Variants in RBM6 observed in about 807,000 individuals in gnomAD.
RBM6 encodes RNA-binding protein 6.
RBM6 carries 23 observed loss-of-function variants against 140.4 expected under a neutral mutation model. The ratio of observed to expected loss-of-function variants is 0.16; its 90% CI spans 0.12 to 0.23. The LOEUF (loss-of-function observed/expected upper bound fraction) is 0.23. Among genes scored for constraint, RBM6 ranks in the 10% least tolerant of loss-of-function variants. The probability of loss-of-function intolerance (pLI) is 1.00; values close to 1 mark genes in which losing one functional copy is unlikely to be tolerated. For synonymous variants in RBM6, 439 were observed against 475.6 expected, an observed-to-expected ratio of 0.92 and a Z score of 1.00; for missense variants, 1,139 against 1,386.7, an observed-to-expected ratio of 0.82 and a Z score of 2.84.
chr3:49,967,711 A>C lies in RBM6; in HGVS notation c.286A>C (p.Arg96=). ...AGGGGAGGGACCTGGACATGATTTC[A>C]GGGGGGGAGATTTTTCGTCTTCTGA... ...RGGEGPGHDF[R]GGDFSSSDFQ... The change falls in exon 3 of 21, where the codon AGG becomes CGG. Residue 96 remains arginine, a synonymous_variant. Transcript: ENST00000266022. The surrounding 1 kb of genome is among the most constrained non-coding windows in gnomAD (Gnocchi z 4.0). 1.9e-6 allele frequency: 3 copies of C among 1,613,844 alleles called. No homozygotes were observed. The highest frequency in any genetic ancestry group is 2.5e-6 in the Non-Finnish European group (3 of 1,179,906).
intron 5 of RBM6, among the ~76,000 whole-genome samples, chr3:49,998,192 A>G (rs2086170840): frequency 1.3e-5 from 2 of 152,232 alleles, no homozygotes; most frequent in Non-Finnish European, 2.9e-5. Context: ...ATTTCATGTG[A>G]CAAGGAATCT....
chr3:50,036,283 C>T (rs2088534126), intron 6 of RBM6, among the ~76,000 whole-genome samples: 1 of 152,188 alleles, frequency 6.6e-6, no homozygotes, highest in Admixed American at 6.5e-5. Context: ...GTCTTAACGT[C>T]TGATGGAGTT....
Position 49,998,189 on chromosome 3 carries a change from G to A in RBM6, c.1484-1251G>A, listed in dbSNP as rs143613882. ...AACATTTTGAAGCCATTCATTTCAT[G>A]TGACAAGGAATCTTATTTCACCAAA... On this transcript the variant is annotated intron_variant, in intron 5 of 20. Coordinates refer to ENST00000266022, the MANE Select transcript of RBM6 (RefSeq NM_005777.3). 5.6e-3 allele frequency among the ~76,000 whole-genome samples: 850 copies of A among 152,294 alleles called. 11 individuals carry two copies. The highest frequency in any genetic ancestry group is 0.019 in the African/African-American group (778 of 41,538).
At chr3:49,944,976 T>C (rs570493027) in intron 1 of RBM6, among the ~76,000 whole-genome samples, 1 of 148,234 alleles carries the variant, frequency 6.7e-6, no homozygotes, top group African/African-American at 2.5e-5. Context: ...TCCTGGGTTC[T>C]TGCCATTCTC....
In RBM6 at chr3:49,985,595, T is replaced by C. The variant is rs544777506; in HGVS notation, c.1483+10203T>C. ...TTGTATGTATTCACTCTTTTAAGAA[T>C]GAGTTTATTTTTATTTTTATTTTTA... On this transcript the variant is annotated intron_variant, in intron 5 of 20. Transcript: ENST00000266022. Among the ~76,000 whole-genome samples, 4 of 152,306 alleles carry C rather than the reference T, an allele frequency of 2.6e-5. No homozygotes were observed. In the East Asian group the frequency reaches 7.7e-4, roughly 29 times the overall value.
intron 16 of RBM6, among the ~76,000 whole-genome samples, chr3:50,065,802 G>C (rs2090103012): frequency 6.6e-6 from 1 of 152,148 alleles, no homozygotes; most frequent in African/African-American, 2.4e-5. Flanking sequence ...TACCTTACAT[G>C]TGAGCTGGAT....
At chr3:49,952,193 G>A (rs189097180) in intron 1 of RBM6, among the ~76,000 whole-genome samples, 1 of 151,368 alleles carries the variant, frequency 6.6e-6, no homozygotes. Flanking sequence ...TGCCACCATG[G>A]CTAATTTTTG....
intron 1 of RBM6, among the ~76,000 whole-genome samples, chr3:49,948,511 G>A (rs1419777667): frequency 1.3e-5 from 2 of 151,934 alleles, no homozygotes; most frequent in Non-Finnish European, 2.9e-5. Context: ...TCAAGAGATC[G>A]AGACCATCCT....
intron 17 of RBM6, 33 bp from the exon 18 acceptor site, chr3:50,068,657 G>T: frequency 6.3e-7 from 1 of 1,599,386 alleles, no homozygotes; most frequent in Non-Finnish European, 8.6e-7. Context: ...TTGTTTCTTA[G>T]ACCTATACTC....
chr3:49,984,661 GCATT>G (rs1559553076), intron 5 of RBM6, among the ~76,000 whole-genome samples: 10 of 149,732 alleles, frequency 6.7e-5, no homozygotes, highest in Non-Finnish European at 1.3e-4. Flanking sequence ...GCATCGCATC[GCATT>G]GCATCACATC....
chr3:50,075,321 A>C lies in RBM6; in HGVS notation c.3237A>C (p.Ser1079=). The C allele has an allele frequency of 6.2e-7, 1 of 1,610,388 alleles. No homozygotes were observed. Among genetic ancestry groups the C allele is most frequent in the Non-Finnish European group, 8.5e-7 (1 of 1,178,704 alleles). The change falls in exon 20 of 21, where the codon TCA becomes TCC. Residue 1079 remains serine (S), a synonymous_variant. Transcript: ENST00000266022. The stretch of plus-strand genomic sequence containing the variant: ...GATATGGCCATCCTGGATTGGCTTC[A>C]TCAGAGGAGGTAAAATGGTTTCCAT... The part of the protein sequence containing the change: ...GLGYGHPGLA[S]SEEAEGRMRG...
chr3:50,021,740 CTTTTTTTTTTT>C (rs542734328), intron 6 of RBM6, among the ~76,000 whole-genome samples: 10 of 42,726 alleles, frequency 2.3e-4, no homozygotes, highest in Non-Finnish European at 2.9e-4. Context: ...AATTTAAGTG[CTTTTTTTTTTT>C]TTTTTTTTTT....
At chr3:49,978,496 T>C (rs1024051587) in intron 5 of RBM6, among the ~76,000 whole-genome samples, 5 of 152,274 alleles carry the variant, frequency 3.3e-5, no homozygotes, top group Middle Eastern at 6.8e-3. Context: ...ACTCTAGTAA[T>C]GTATTAGTGT....
intron 2 of RBM6, 139 bp downstream of exon 2, chr3:49,962,824 G>A (rs567170822): frequency 2.4e-5 from 21 of 861,718 alleles, no homozygotes; most frequent in African/African-American, 5.4e-5. Context: ...TTGGCTGGGC[G>A]CGGTGGCTCA....
At chr3:50,040,991 T>G (rs2088887604) in intron 6 of RBM6, among the ~76,000 whole-genome samples, 1 of 152,126 alleles carries the variant, frequency 6.6e-6, no homozygotes, top group African/African-American at 2.4e-5. Flanking sequence ...CTGATCCTAG[T>G]GGGTGGGGCT....
At chr3:50,034,189 A>G (rs2088366462) in intron 6 of RBM6, among the ~76,000 whole-genome samples, 1 of 146,076 alleles carries the variant, frequency 6.8e-6, no homozygotes, top group African/African-American at 2.5e-5. Flanking sequence ...TCATCATGTT[A>G]GCCAGGCTGG....
chr3:50,057,677 T>C (rs1220705741), intron 8 of RBM6, 51 bp from the exon 9 acceptor site: 6 of 1,486,478 alleles, frequency 4.0e-6, no homozygotes, highest in Admixed American at 2.2e-5. Flanking sequence ...TTTCTTTTTT[T>C]TTTTTTTTGA....
At chr3:50,054,508 C>CA in intron 8 of RBM6, 113 bp downstream of exon 8, 1 of 722,202 alleles carries the variant, frequency 1.4e-6, no homozygotes, top group Non-Finnish European at 2.3e-6. Flanking sequence ...ATCTACAAAC[C>CA]TTTTTTTTTT....
At chr3:50,018,585 T>A (rs1173488839) in intron 6 of RBM6, among the ~76,000 whole-genome samples, 1 of 103,448 alleles carries the variant, frequency 9.7e-6, no homozygotes, top group Non-Finnish European at 1.9e-5. Flanking sequence ...GAGTGTGTTT[T>A]TTTTTTTTTT....
Sources: gnomAD v4.1 joint callset for allele counts (sites outside exome capture counted in the v4.1 genomes callset) on GRCh38, gnomAD v4.1.1 for gene constraint, Gnocchi (gnomAD v3.1) non-coding constraint, MANE v1.5 for transcripts, NCBI Gene and HGNC (gene_info 2026-07-23, HGNC 2026-07-21) for gene names.